The following UCHL3 variants were observed in gnomAD, a reference collection of about 807,000 sequenced individuals.
UCHL3 encodes ubiquitin carboxyl-terminal hydrolase isozyme L3.
Under a neutral mutation model 35.8 loss-of-function variants are expected in UCHL3, and 22 were observed. That is an observed-to-expected ratio of 0.61 (90% CI 0.44 to 0.88). UCHL3 has a LOEUF of 0.88. UCHL3 is among the 40% of genes least tolerant of loss of function. The probability of loss-of-function intolerance (pLI) is 0.00; values close to 1 mark genes in which losing one functional copy is unlikely to be tolerated. For missense variants in UCHL3, 229 were observed against 276.9 expected (o/e 0.83, Z 1.23); for synonymous variants, 90 against 92.8 (o/e 0.97, Z 0.17).
intron 2 of UCHL3, among the ~76,000 whole-genome samples, chr13:75,557,216 A>T (rs1396681209): frequency 6.8e-6 from 1 of 146,726 alleles, no homozygotes; most frequent in African/African-American, 2.5e-5. Context: ...ACCCTGTCTG[A>T]AAAAAAAAAA....
intron 6 of UCHL3, among the ~76,000 whole-genome samples, chr13:75,586,371 G>A (rs1229265847): frequency 6.6e-6 from 1 of 152,018 alleles, no homozygotes; most frequent in Non-Finnish European, 1.5e-5. Flanking sequence ...GCCTCTAAAT[G>A]TATGAGGCAA....
chr13:75,573,946 G>A (rs903359641), intron 6 of UCHL3, among the ~76,000 whole-genome samples: 3 of 152,122 alleles, frequency 2.0e-5, no homozygotes, highest in Non-Finnish European at 4.4e-5. Context: ...GGCTGGGCGC[G>A]GTGGCTCACG....
rs573866580 is a variant in UCHL3, at chr13:75,565,219, C to G, written c.184-1476C>G. On this transcript the variant is annotated intron_variant, in intron 3 of 8. Coordinates refer to ENST00000377595, the MANE Select transcript of UCHL3 (RefSeq NM_006002.5). Reference sequence around the variant, plus strand: ...CTTGAAATTATCAAATCTTATTTTGCTTTGTCATCAGGAACATTAACAACA... The same window carrying G: ...CTTGAAATTATCAAATCTTATTTTGGTTTGTCATCAGGAACATTAACAACA... 5.3e-5 allele frequency among the ~76,000 whole-genome samples: 8 copies of G among 151,794 alleles called. No homozygotes were observed. The East Asian group carries it at 1.6e-3, about 29-fold the overall frequency.
chr13:75,561,775 G>A (rs1449505246), intron 3 of UCHL3, among the ~76,000 whole-genome samples: 2 of 148,810 alleles, frequency 1.3e-5, no homozygotes, highest in African/African-American at 2.5e-5. Flanking sequence ...ATATGTGTAT[G>A]TTTCTGTGTG....
At chr13:75,572,696 T>A (rs2031899307) in intron 6 of UCHL3, among the ~76,000 whole-genome samples, 1 of 152,224 alleles carries the variant, frequency 6.6e-6, no homozygotes. Context: ...GTGGCAAATC[T>A]TAGTTTTCTG....
intron 3 of UCHL3, among the ~76,000 whole-genome samples, chr13:75,563,125 CTTTA>C (rs1401370953): frequency 0.013 from 1,922 of 146,258 alleles, 16 homozygotes; most frequent in Middle Eastern, 0.039. Flanking sequence ...CCTCATTATC[CTTTA>C]TGTATGTATG....
At chr13:75,563,332 T>C (rs1192489365) in intron 3 of UCHL3, among the ~76,000 whole-genome samples, 1 of 152,066 alleles carries the variant, frequency 6.6e-6, no homozygotes, top group Non-Finnish European at 1.5e-5. Flanking sequence ...TGTGCCACTA[T>C]ACCTGGCTAA....
At chr13:75,570,515 C>T (rs1157139867) in intron 6 of UCHL3, among the ~76,000 whole-genome samples, 2 of 152,126 alleles carry the variant, frequency 1.3e-5, no homozygotes, top group African/African-American at 2.4e-5. Flanking sequence ...GGATTACAGG[C>T]GTGAGCCACC....
At chr13:75,586,019 T>TA (rs1566224247) in intron 6 of UCHL3, among the ~76,000 whole-genome samples, 1 of 152,074 alleles carries the variant, frequency 6.6e-6, no homozygotes, top group African/African-American at 2.4e-5. Flanking sequence ...CACATGAAGT[T>TA]AATGAAATGT....
chr13:75,573,760 T>C (rs1397045747), intron 6 of UCHL3, among the ~76,000 whole-genome samples: 2 of 152,186 alleles, frequency 1.3e-5, no homozygotes, highest in Non-Finnish European at 2.9e-5. Context: ...TTTTCAAATA[T>C]AGTCACGTTG....
At chr13:75,563,442 G>T (rs908768996) in intron 3 of UCHL3, among the ~76,000 whole-genome samples, 17 of 152,176 alleles carry the variant, frequency 1.1e-4, no homozygotes. Context: ...CTCCCAGAGT[G>T]CTGGGATTAT....
intron 6 of UCHL3, among the ~76,000 whole-genome samples, chr13:75,580,250 TGTA>T (rs2032141772): frequency 6.6e-6 from 1 of 152,216 alleles, no homozygotes; most frequent in Non-Finnish European, 1.5e-5. Context: ...TTGCATCTTT[TGTA>T]TGGATCTGGC....
chr13:75,558,090 T>A (rs1722779010), intron 2 of UCHL3, among the ~76,000 whole-genome samples: 2 of 152,160 alleles, frequency 1.3e-5, no homozygotes, highest in Admixed American at 1.3e-4. Context: ...TGAGCCTGAC[T>A]CATGGCAATC....
chr13:75,585,630 C>G (rs1415169120), intron 6 of UCHL3, among the ~76,000 whole-genome samples: 3 of 151,936 alleles, frequency 2.0e-5, no homozygotes, highest in Non-Finnish European at 2.9e-5. Context: ...AAATTTTATT[C>G]TTGTTTTACA....
intron 7 of UCHL3, among the ~76,000 whole-genome samples, chr13:75,596,419 T>C (rs1253057648): frequency 1.3e-5 from 2 of 152,124 alleles, no homozygotes; most frequent in Admixed American, 6.5e-5. Context: ...ATAACAGTGA[T>C]TGGGGACTTC....
chr13:75,551,048 T>A (rs2031086685), intron 2 of UCHL3, among the ~76,000 whole-genome samples: 1 of 152,212 alleles, frequency 6.6e-6, no homozygotes, highest in Non-Finnish European at 1.5e-5. Context: ...TTCTTATGAA[T>A]CTATGTTGAC....
At chr13:75,597,630 G>A (rs2032677614) in intron 7 of UCHL3, among the ~76,000 whole-genome samples, 1 of 152,152 alleles carries the variant, frequency 6.6e-6, no homozygotes, top group Non-Finnish European at 1.5e-5. Flanking sequence ...TAGGTTATAT[G>A]CAAATACTAT....
chr13:75,549,680 C>T (rs192416535), upstream of UCHL3: 2,963 of 929,370 alleles, frequency 3.2e-3, 78 homozygotes, highest in African/African-American at 0.044. Context: ...GGTGAGAGGC[C>T]CGTCAAACTC....
intron 6 of UCHL3, among the ~76,000 whole-genome samples, chr13:75,591,969 A>G (rs2032488761): frequency 6.6e-6 from 1 of 152,056 alleles, no homozygotes; most frequent in African/African-American, 2.4e-5. Context: ...GTGCTCAAAA[A>G]GTTTGAGGTT....
Sources: allele counts gnomAD v4.1 joint callset (sites outside exome capture counted in the v4.1 genomes callset), GRCh38; gene constraint gnomAD v4.1.1; transcripts MANE v1.5; gene names NCBI Gene and HGNC (gene_info 2026-07-23, HGNC 2026-07-21).